The following RYR2 variants were observed in gnomAD, a reference collection of about 807,000 sequenced individuals.
RYR2 encodes ryanodine receptor 2.
In RYR2, 227 loss-of-function variants were observed where a neutral mutation model predicts 601.1. The ratio of observed to expected loss-of-function variants is 0.38; its 90% CI spans 0.34 to 0.42. The LOEUF (loss-of-function observed/expected upper bound fraction) is 0.42. Ranked by LOEUF, RYR2 falls within the 10% of genes least tolerant of loss-of-function variation. The pLI is 1.00. For synonymous variants in RYR2, 2,223 were observed against 2,175.1 expected (o/e 1.02, Z -0.61); for missense variants, 4,646 against 6,156.5 (o/e 0.75, Z 8.21).
At chr1:237,451,265 T>C (rs1658072057) in intron 14 of RYR2, among the ~76,000 whole-genome samples, 1 of 152,082 alleles carries the variant, frequency 6.6e-6, no homozygotes, top group Non-Finnish European at 1.5e-5. Context: ...AGTAAAATAA[T>C]AAGACTTACA....
Position 237,614,273 on chromosome 1 carries a change from C to A in RYR2, c.5145C>A (p.Ala1715=). The change falls in exon 37 of 105, where the codon GCC becomes GCA. Residue 1715 remains alanine, a synonymous_variant. Transcript: ENST00000366574. This position sits in a 1 kb window ranked among gnomAD's most constrained non-coding sequence, Gnocchi z 4.3. The part of the protein sequence containing the change: ...LLIDIHLSSY[A]TARLMMNNEY... ...TTGACATCCACCTGAGCTCCTATGC[C>A]ACTGCCAGGCTCATGATGAACAACG... The A allele has an allele frequency of 6.2e-7, 1 of 1,614,024 alleles. No homozygotes were observed. The highest frequency in any genetic ancestry group is 8.5e-7 in the Non-Finnish European group (1 of 1,179,902).
intron 98 of RYR2, among the ~76,000 whole-genome samples, chr1:237,803,211 CAT>C (rs1241983106): frequency 6.6e-6 from 1 of 152,148 alleles, no homozygotes; most frequent in Non-Finnish European, 1.5e-5. Context: ...GCAGCAAGCA[CAT>C]GTGTAGACCA....
At chr1:237,576,565 C>T (rs1673244506) in intron 29 of RYR2, among the ~76,000 whole-genome samples, 1 of 152,034 alleles carries the variant, frequency 6.6e-6, no homozygotes, top group African/African-American at 2.4e-5. Context: ...CTTCTTCACA[C>T]CCTATATGAT....
intron 1 of RYR2, among the ~76,000 whole-genome samples, chr1:237,159,521 ATACT>A: frequency 6.6e-6 from 1 of 151,836 alleles, no homozygotes; most frequent in Admixed American, 6.6e-5. Context: ...AATTCCTCAC[ATACT>A]TACTTAAATG....
chr1:237,094,915 A>G (rs553325300), intron 1 of RYR2, among the ~76,000 whole-genome samples: 1 of 152,246 alleles, frequency 6.6e-6, no homozygotes, highest in South Asian at 2.1e-4. Context: ...ATTATTAACA[A>G]ACAACCCAAG....
At chr1:237,170,809 G>A (rs754320421) in intron 1 of RYR2, among the ~76,000 whole-genome samples, 3 of 152,054 alleles carry the variant, frequency 2.0e-5, no homozygotes, top group Non-Finnish European at 4.4e-5. Context: ...GCTTAGAGGT[G>A]GTTCTGGAAA....
At chr1:237,174,107 T>C (rs149907660) in intron 1 of RYR2, among the ~76,000 whole-genome samples, 1 of 152,320 alleles carries the variant, frequency 6.6e-6, no homozygotes, top group East Asian at 1.9e-4. Context: ...AAAGAGATTG[T>C]TTCAAGGATG....
intron 2 of RYR2, among the ~76,000 whole-genome samples, chr1:237,287,152 C>T (rs796840337): frequency 4.6e-5 from 7 of 152,222 alleles, no homozygotes; most frequent in African/African-American, 1.7e-4. Context: ...TCGCTTCTGG[C>T]TTGTAGGGTT....
intron 1 of RYR2, among the ~76,000 whole-genome samples, chr1:237,074,359 G>T (rs1332122152): frequency 6.6e-6 from 1 of 152,128 alleles, no homozygotes; most frequent in African/African-American, 2.4e-5. Flanking sequence ...ATGTGGATAG[G>T]CTATTGGGCA....
chr1:237,568,111 T>C (rs1672287554), intron 28 of RYR2, among the ~76,000 whole-genome samples: 4 of 152,064 alleles, frequency 2.6e-5, no homozygotes, highest in Admixed American at 2.6e-4. Context: ...AAAATAACCT[T>C]TACTCCCAGT....
chr1:237,306,761 G>A lies in RYR2; in HGVS notation c.169-24117G>A, dbSNP rs569371470. On this transcript the variant is annotated intron_variant, in intron 2 of 104. Transcript: ENST00000366574. Reference sequence around the variant, plus strand: ...GAAGGAACTTTAGAAATAATTTTACGTCGTCTGCTGGTTTCATCTTGAAGA... The same window carrying A: ...GAAGGAACTTTAGAAATAATTTTACATCGTCTGCTGGTTTCATCTTGAAGA... Among the ~76,000 whole-genome samples the A allele has an allele frequency of 2.2e-4, 34 of 152,208 alleles. No individual in the cohort carries two copies. The South Asian group carries it at 6.6e-3, about 30-fold the overall frequency.
intron 24 of RYR2, among the ~76,000 whole-genome samples, chr1:237,517,567 C>CCA (rs1666673389): frequency 6.6e-6 from 1 of 151,950 alleles, no homozygotes; most frequent in Non-Finnish European, 1.5e-5. Flanking sequence ...ACATTCAAAG[C>CCA]CATCCTGGGC....
chr1:237,598,708 G>A (rs536848839), intron 34 of RYR2, among the ~76,000 whole-genome samples: 13 of 152,018 alleles, frequency 8.6e-5, no homozygotes, highest in African/African-American at 2.4e-4. Flanking sequence ...CATTTAAGAA[G>A]TAAAAAATAA....
At chr1:237,809,720 G>A (rs945569699) in intron 100 of RYR2, among the ~76,000 whole-genome samples, 8 of 152,006 alleles carry the variant, frequency 5.3e-5, no homozygotes, top group Non-Finnish European at 1.5e-5. Flanking sequence ...TAGGTATAGA[G>A]GCTGATATAA....
At chr1:237,512,533 C>G (rs539382554) in intron 24 of RYR2, among the ~76,000 whole-genome samples, 1 of 152,248 alleles carries the variant, frequency 6.6e-6, no homozygotes, top group African/African-American at 2.4e-5. Flanking sequence ...CCTATGAGGA[C>G]TATTTATCTG....
chr1:237,193,615 G>C (rs1680250883), intron 1 of RYR2, among the ~76,000 whole-genome samples: 2 of 152,076 alleles, frequency 1.3e-5, no homozygotes, highest in East Asian at 3.8e-4. Context: ...ATTGAATACT[G>C]CTTTTTTTTG....
At chr1:237,734,172 A>C (rs1690932559) in intron 79 of RYR2, among the ~76,000 whole-genome samples, 1 of 152,204 alleles carries the variant, frequency 6.6e-6, no homozygotes, top group Admixed American at 6.5e-5. Flanking sequence ...ACCTGAGACT[A>C]GGTAATCTAT....
At chr1:237,350,104 T>G (rs1435953015) in intron 3 of RYR2, among the ~76,000 whole-genome samples, 1 of 152,142 alleles carries the variant, frequency 6.6e-6, no homozygotes, top group African/African-American at 2.4e-5. Flanking sequence ...TAAATGTTAA[T>G]TGACTAAATA....
chr1:237,406,553 A>G (rs1052909618), intron 10 of RYR2, among the ~76,000 whole-genome samples: 15 of 151,950 alleles, frequency 9.9e-5, no homozygotes, highest in African/African-American at 3.6e-4. Flanking sequence ...TTTTAAAGAG[A>G]ATAATCCAAG....
Sources: allele counts gnomAD v4.1 joint callset (sites outside exome capture counted in the v4.1 genomes callset), GRCh38; gene constraint gnomAD v4.1.1; non-coding constraint Gnocchi (gnomAD v3.1); transcripts MANE v1.5; gene names NCBI Gene and HGNC (gene_info 2026-07-23, HGNC 2026-07-21).